Variants in SMYD3 observed in about 807,000 individuals in gnomAD.
SMYD3 encodes the protein histone-lysine N-methyltransferase SMYD3.
Under a neutral mutation model 57.7 loss-of-function variants are expected in SMYD3, and 36 were observed. That is an observed-to-expected ratio of 0.62 (90% CI 0.48 to 0.82). The LOEUF (loss-of-function observed/expected upper bound fraction) is 0.82. Among genes scored for constraint, SMYD3 ranks in the 40% least tolerant of loss-of-function variants. SMYD3 has a pLI of 0.00. For missense variants in SMYD3, 515 were observed against 538.8 expected (o/e 0.96, Z 0.44); for synonymous variants, 211 against 195.0 (o/e 1.08, Z -0.68).
chr1:245,877,558 C>A (rs887551468), intron 8 of SMYD3, among the ~76,000 whole-genome samples: 4 of 152,082 alleles, frequency 2.6e-5, no homozygotes, highest in Admixed American at 2.0e-4. Flanking sequence ...TAAGGCCGTG[C>A]CTTAGCAACA....
rs113114667 is a variant in SMYD3, at chr1:245,778,382, A to AC, written c.1077-14234_1077-14233insG. Among the ~76,000 whole-genome samples, 761 of 151,192 alleles carry AC rather than the reference A, an allele frequency of 5.0e-3. 7 individuals are homozygous for AC. In the Middle Eastern group the frequency reaches 0.052, roughly 10 times the overall value. ...TTGATTCACACAAATGTAGCCAATT[A>AC]TTTTTTTTTTCCCAAAGGCATAAGA... On this transcript the variant is annotated intron_variant, in intron 10 of 11. Transcript: ENST00000490107.
intron 5 of SMYD3, among the ~76,000 whole-genome samples, chr1:246,076,657 C>T (rs990854503): frequency 2.1e-5 from 3 of 145,914 alleles, no homozygotes; most frequent in African/African-American, 8.0e-5. Flanking sequence ...ACTGCTCCCA[C>T]TAGCATTCTG....
intron 5 of SMYD3, among the ~76,000 whole-genome samples, chr1:246,249,021 A>C (rs559505612): frequency 6.6e-6 from 1 of 151,838 alleles, no homozygotes; most frequent in South Asian, 2.1e-4. Context: ...CAAGAACAAG[A>C]TGCGAAAACT....
At chr1:246,093,260 A>G (rs2147896766) in intron 5 of SMYD3, among the ~76,000 whole-genome samples, 1 of 152,324 alleles carries the variant, frequency 6.6e-6, no homozygotes, top group Non-Finnish European at 1.5e-5. Flanking sequence ...GCAATCTCAC[A>G]GGTGGGTATG....
intron 11 of SMYD3, among the ~76,000 whole-genome samples, chr1:245,761,838 T>C (rs1015724052): frequency 1.4e-5 from 2 of 143,240 alleles, no homozygotes; most frequent in African/African-American, 5.4e-5. Context: ...CAGGCTGGAG[T>C]GCAATGGTGC....
chr1:246,264,661 TAA>T (rs985995468), intron 5 of SMYD3, among the ~76,000 whole-genome samples: 4 of 152,228 alleles, frequency 2.6e-5, no homozygotes, highest in African/African-American at 7.2e-5. Flanking sequence ...CTCCATAGCC[TAA>T]GAGTATGCAA....
intron 5 of SMYD3, among the ~76,000 whole-genome samples, chr1:246,154,685 T>G (rs1021651254): frequency 6.6e-5 from 10 of 152,190 alleles, no homozygotes; most frequent in African/African-American, 2.4e-5. Context: ...TATTGTTCAT[T>G]GTTCCCCACA....
chr1:245,800,525 T>C (rs1332948969), intron 10 of SMYD3, among the ~76,000 whole-genome samples: 1 of 152,096 alleles, frequency 6.6e-6, no homozygotes, highest in Non-Finnish European at 1.5e-5. Flanking sequence ...CAAATGGTAT[T>C]AAGGATACAG....
At chr1:246,487,089 A>C (rs1265673053) in intron 1 of SMYD3, among the ~76,000 whole-genome samples, 5 of 152,230 alleles carry the variant, frequency 3.3e-5, no homozygotes, top group Non-Finnish European at 7.3e-5. Context: ...GGTACAAGAC[A>C]CAATACCTGC....
intron 1 of SMYD3, among the ~76,000 whole-genome samples, chr1:246,422,807 T>C (rs1256249522): frequency 6.6e-6 from 1 of 152,190 alleles, no homozygotes; most frequent in Non-Finnish European, 1.5e-5. Context: ...CCAGAATTTC[T>C]ACAACCACCT....
chr1:246,394,156 C>G (rs1196072954), intron 1 of SMYD3, among the ~76,000 whole-genome samples: 1 of 152,208 alleles, frequency 6.6e-6, no homozygotes, highest in Non-Finnish European at 1.5e-5. Context: ...TCTGATTACT[C>G]TTATCAATAA....
chr1:246,137,556 G>A (rs887089797), intron 5 of SMYD3, among the ~76,000 whole-genome samples: 1 of 152,146 alleles, frequency 6.6e-6, no homozygotes, highest in Non-Finnish European at 1.5e-5. Context: ...TTTCCCAATT[G>A]CAAAAGTTTA....
intron 10 of SMYD3, among the ~76,000 whole-genome samples, chr1:245,766,217 A>C (rs1214511490): frequency 6.6e-6 from 1 of 151,876 alleles, no homozygotes; most frequent in Non-Finnish European, 1.5e-5. Flanking sequence ...AGCTTGGTGA[A>C]TATGGTGAAA....
rs1408415976 is a variant in SMYD3 at position 246,370,353 on chromosome 1, C to A, written c.165-15259G>T. On this transcript the variant is annotated intron_variant, in intron 1 of 11. Coordinates refer to ENST00000490107, the MANE Select transcript of SMYD3 (RefSeq NM_001167740.2). ...AGAAGTGACACAGACTATACAGGAC[C>A]CCAGTTCAGGTGAAGGAAATGTCAC... Among the ~76,000 whole-genome samples, 3 of 152,212 alleles carry A rather than the reference C, an allele frequency of 2.0e-5. No homozygotes were observed. The Middle Eastern group carries it at 0.01, about 518-fold the overall frequency.
intron 5 of SMYD3, among the ~76,000 whole-genome samples, chr1:246,045,179 T>C (rs1056678221): frequency 1.3e-5 from 2 of 152,096 alleles, no homozygotes; most frequent in African/African-American, 4.8e-5. Context: ...ACCAAGTCAA[T>C]CCTAAGCCAA....
At chr1:245,993,622 A>C (rs2058857616) in intron 5 of SMYD3, among the ~76,000 whole-genome samples, 1 of 140,726 alleles carries the variant, frequency 7.1e-6, no homozygotes. Flanking sequence ...AGATAGATAG[A>C]TAGATAGATA....
intron 1 of SMYD3, among the ~76,000 whole-genome samples, chr1:246,504,492 TA>T (rs2068506073): frequency 6.6e-6 from 1 of 152,196 alleles, no homozygotes; most frequent in Non-Finnish European, 1.5e-5. Flanking sequence ...AAAGTACAGT[TA>T]AAAAATGATA....
chr1:246,088,616 A>C (rs1379677872), intron 5 of SMYD3, among the ~76,000 whole-genome samples: 1 of 151,842 alleles, frequency 6.6e-6, no homozygotes, highest in African/African-American at 2.4e-5. Context: ...TCTCAAAGAA[A>C]AAAAAAAGTT....
At chr1:246,491,163 T>G (rs938124888) in intron 1 of SMYD3, among the ~76,000 whole-genome samples, 3 of 152,136 alleles carry the variant, frequency 2.0e-5, no homozygotes, top group African/African-American at 7.2e-5. Flanking sequence ...CCAGTCAGAC[T>G]AAAACACAGG....
Sources: gnomAD v4.1 joint callset for allele counts (sites outside exome capture counted in the v4.1 genomes callset) on GRCh38, gnomAD v4.1.1 for gene constraint, MANE v1.5 for transcripts, NCBI Gene and HGNC (gene_info 2026-07-23, HGNC 2026-07-21) for gene names.